Variants in OR2I1 observed in about 807,000 individuals in gnomAD.
OR2I1 encodes the protein putative olfactory receptor 2I1.
At chr6:29,553,237 G>T in the OR2I1 span, 1 of 398,840 alleles carries the variant, frequency 2.5e-6, no homozygotes, top group Non-Finnish European at 4.4e-6. Context: ...CAACTACAGC[G>T]CAGAGGAGCG....
the OR2I1 span, chr6:29,555,986 A>G: frequency 6.2e-7 from 1 of 1,613,038 alleles, no homozygotes; most frequent in Non-Finnish European, 8.5e-7. Context: ...GCAAGTCACA[A>G]TCTGGGTCTC....
the OR2I1 span, chr6:29,554,554 G>C: frequency 1.3e-5 from 2 of 156,544 alleles, no homozygotes; most frequent in Non-Finnish European, 1.4e-5. Flanking sequence ...GGTACATCCA[G>C]AAAAAGCGAC....
chr6:29,550,879 C>T, the OR2I1 span: 1 of 152,100 alleles, frequency 6.6e-6, no homozygotes, highest in Non-Finnish European at 1.5e-5. Flanking sequence ...ATTACAGTGC[C>T]CTACAACAAA....
At chr6:29,550,863 T>C in the OR2I1 span, 6 of 152,182 alleles carry the variant, frequency 3.9e-5, no homozygotes, top group Non-Finnish European at 8.8e-5. Flanking sequence ...TGAAGGTAAG[T>C]TGGGTATTAC....
At chr6:29,552,965 C>A in the OR2I1 span, 1 of 331,070 alleles carries the variant, frequency 3.0e-6, no homozygotes, top group Non-Finnish European at 5.4e-6. Context: ...ACACAGAGTA[C>A]CTGAAACAAC....
the OR2I1 span, chr6:29,555,880 T>C: frequency 1.9e-6 from 3 of 1,611,786 alleles, no homozygotes; most frequent in Non-Finnish European, 1.7e-6. Context: ...CCCAGGGTGG[T>C]CACCCTCCAA....
At chr6:29,553,372 C>A in the OR2I1 span, 21 of 399,338 alleles carry the variant, frequency 5.3e-5, 1 homozygote, top group South Asian at 2.2e-3. Context: ...GGTGCGCGAC[C>A]CGCGCCTGCA....
the OR2I1 span, chr6:29,555,940 T>C: frequency 3.1e-6 from 5 of 1,613,122 alleles, no homozygotes; most frequent in Non-Finnish European, 4.2e-6. Flanking sequence ...TGCCGTAATC[T>C]GCCATCATCT....
chr6:29,555,411 C>T, the OR2I1 span: 1 of 157,820 alleles, frequency 6.3e-6, no homozygotes, highest in Non-Finnish European at 1.4e-5. Flanking sequence ...TATCATTTCA[C>T]TATGCTCTAT....
the OR2I1 span, chr6:29,557,687 A>G: frequency 6.6e-6 from 1 of 152,224 alleles, no homozygotes; most frequent in Non-Finnish European, 1.5e-5. Flanking sequence ...TTGGTTTTCA[A>G]TCAGAAGCAA....
the OR2I1 span, chr6:29,552,934 C>T: frequency 3.7e-6 from 1 of 269,110 alleles, no homozygotes; most frequent in Non-Finnish European, 6.9e-6. Flanking sequence ...CTCCATTTTA[C>T]ATGAACTGTT....
chr6:29,553,597 C>G, the OR2I1 span: 2 of 398,260 alleles, frequency 5.0e-6, no homozygotes, highest in Admixed American at 8.8e-5. Context: ...CGCAGTGTGC[C>G]GCCCGCTGCG....
At chr6:29,556,754 C>T in the OR2I1 span, 3 of 174,962 alleles carry the variant, frequency 1.7e-5, no homozygotes, top group Admixed American at 1.7e-4. Flanking sequence ...GCTGGGAGTT[C>T]GAGACCAGCC....
At chr6:29,553,886 G>A in the OR2I1 span, 1,811 of 398,712 alleles carry the variant, frequency 4.5e-3, 8 homozygotes, top group Middle Eastern at 0.011. Flanking sequence ...GCCGTGGCCC[G>A]AGCTGTCTGT....
chr6:29,556,310 T>C, the OR2I1 span: 2 of 1,612,774 alleles, frequency 1.2e-6, no homozygotes, highest in Non-Finnish European at 1.7e-6. Context: ...TGGGTTGGCA[T>C]CAAAGGTCAT....
the OR2I1 span, chr6:29,556,251 C>A: frequency 6.2e-6 from 10 of 1,612,974 alleles, 1 homozygote; most frequent in African/African-American, 2.7e-5. Context: ...TGCACAGGAA[C>A]CTTGGTCTTA....
At chr6:29,551,747 G>A in the OR2I1 span, among the ~76,000 whole-genome samples, 1 of 152,208 alleles carries the variant, frequency 6.6e-6, no homozygotes, top group African/African-American at 2.4e-5. Flanking sequence ...AGGAAACTGA[G>A]GCAGAGAGAG....
At chr6:29,553,215 C>T in the OR2I1 span, 3 of 398,738 alleles carry the variant, frequency 7.5e-6, no homozygotes, top group Non-Finnish European at 1.3e-5. Flanking sequence ...TGGGAGTTTT[C>T]CTCCTTTAGG....
the OR2I1 span, chr6:29,553,648 G>C: frequency 1.0e-5 from 4 of 398,330 alleles, no homozygotes; most frequent in African/African-American, 8.2e-5. Flanking sequence ...TCGCACGCTG[G>C]CCAGCGCCTC....
Sources: allele counts gnomAD v4.1 joint callset (sites outside exome capture counted in the v4.1 genomes callset), GRCh38; gene constraint gnomAD v4.1.1; transcripts MANE v1.5; gene names NCBI Gene and HGNC (gene_info 2026-07-23, HGNC 2026-07-21).